Variants in CAMKMT observed in about 807,000 individuals in gnomAD.
CAMKMT encodes the protein calmodulin-lysine N-methyltransferase.
Under a neutral mutation model 48.0 loss-of-function variants are expected in CAMKMT, and 53 were observed. The observed-to-expected ratio is 1.10, with a 90% confidence interval of 0.89 to 1.39. The LOEUF (loss-of-function observed/expected upper bound fraction) is 1.39. Ranked by LOEUF, CAMKMT falls within the 40% of genes most tolerant of loss-of-function variation. The probability of loss-of-function intolerance (pLI) is 0.00; values close to 1 mark genes in which losing one functional copy is unlikely to be tolerated. For synonymous variants in CAMKMT, 165 were observed against 152.3 expected (o/e 1.08, Z -0.61); for missense variants, 428 against 402.7 (o/e 1.06, Z -0.54).
intron 3 of CAMKMT, among the ~76,000 whole-genome samples, chr2:44,691,922 A>G (rs554464366): frequency 6.6e-6 from 1 of 152,210 alleles, no homozygotes; most frequent in Non-Finnish European, 1.5e-5. Flanking sequence ...TCTCCTACTC[A>G]GATGTTCTTT....
intron 3 of CAMKMT, among the ~76,000 whole-genome samples, chr2:44,693,000 T>G (rs1285981422): frequency 6.6e-6 from 1 of 152,176 alleles, no homozygotes; most frequent in Non-Finnish European, 1.5e-5. Flanking sequence ...AAGTCATACT[T>G]GACACTTCCC....
intron 3 of CAMKMT, among the ~76,000 whole-genome samples, chr2:44,529,931 C>T (rs1231486227): frequency 2.6e-5 from 4 of 152,030 alleles, no homozygotes; most frequent in African/African-American, 7.2e-5. Context: ...AGTGCAGTGC[C>T]GCATATATAA....
intron 3 of CAMKMT, among the ~76,000 whole-genome samples, chr2:44,398,967 T>C (rs1241155654): frequency 2.0e-5 from 3 of 152,208 alleles, no homozygotes; most frequent in Non-Finnish European, 4.4e-5. Context: ...AGTCTGAATA[T>C]TTTCATTATT....
At chr2:44,639,769 CAGG>C (rs1203939819) in intron 3 of CAMKMT, among the ~76,000 whole-genome samples, 4 of 152,138 alleles carry the variant, frequency 2.6e-5, no homozygotes. Flanking sequence ...ACCTATTTTT[CAGG>C]GTGCCTTATT....
chr2:44,584,560 C>G (rs572523533), intron 3 of CAMKMT, among the ~76,000 whole-genome samples: 1 of 152,220 alleles, frequency 6.6e-6, no homozygotes, highest in South Asian at 2.1e-4. Context: ...TAATCTGATT[C>G]TGTGTATTGT....
chr2:44,412,824 C>T (rs1050096913), intron 3 of CAMKMT, among the ~76,000 whole-genome samples: 5 of 151,732 alleles, frequency 3.3e-5, no homozygotes, highest in African/African-American at 1.2e-4. Flanking sequence ...GCCTGTAATC[C>T]CAGCACTTTG....
chr2:44,629,597 C>T (rs1019024549), intron 3 of CAMKMT, among the ~76,000 whole-genome samples: 1 of 151,878 alleles, frequency 6.6e-6, no homozygotes, highest in African/African-American at 2.4e-5. Flanking sequence ...CACCACCATG[C>T]CTGGCTAATT....
At chr2:44,753,441 GA>G (rs372145641) in intron 8 of CAMKMT, among the ~76,000 whole-genome samples, 2 of 150,002 alleles carry the variant, frequency 1.3e-5, no homozygotes, top group African/African-American at 4.9e-5. Context: ...ACAAAGAAAA[GA>G]AAAAAAACAA....
At chr2:44,608,103 T>A (rs7581739) in intron 3 of CAMKMT, among the ~76,000 whole-genome samples, 1 of 141,832 alleles carries the variant, frequency 7.1e-6, no homozygotes. Flanking sequence ...GACGGAGTCT[T>A]GCTCCGTCGC....
chr2:44,408,247 A>G (rs369399415), intron 3 of CAMKMT, among the ~76,000 whole-genome samples: 2 of 152,014 alleles, frequency 1.3e-5, no homozygotes, highest in African/African-American at 4.8e-5. Flanking sequence ...GCTGGTCTCG[A>G]TCTACTAACC....
chr2:44,588,275 C>T (rs1247061803), intron 3 of CAMKMT, among the ~76,000 whole-genome samples: 5 of 55,440 alleles, frequency 9.0e-5, no homozygotes, highest in East Asian at 6.8e-4. Flanking sequence ...GGAGCGTCTC[C>T]GCCCGGCAGC....
At chr2:44,544,268 G>T (rs1253272572) in intron 3 of CAMKMT, among the ~76,000 whole-genome samples, 1 of 152,090 alleles carries the variant, frequency 6.6e-6, no homozygotes, top group Non-Finnish European at 1.5e-5. Flanking sequence ...AATGCCAAGG[G>T]TTATTTATTT....
At chr2:44,764,315 A>G (rs1172566373) in intron 9 of CAMKMT, among the ~76,000 whole-genome samples, 1 of 152,140 alleles carries the variant, frequency 6.6e-6, no homozygotes, top group African/African-American at 2.4e-5. Flanking sequence ...CGAAGGGGAG[A>G]GGGAGAGAGA....
chr2:44,372,345 C>T (rs908134432), intron 1 of CAMKMT, among the ~76,000 whole-genome samples: 5 of 151,704 alleles, frequency 3.3e-5, no homozygotes, highest in Non-Finnish European at 7.4e-5. Context: ...ATTAACCAGA[C>T]GTGGTGGTGC....
Position 44,390,238 on chromosome 2 carries a change from T to G in CAMKMT, c.312-3T>G, listed in dbSNP as rs1187623558. The G allele has an allele frequency of 3.7e-6, 6 of 1,602,588 alleles. No homozygotes were observed. The highest frequency in any genetic ancestry group is 5.1e-6 in the Non-Finnish European group (6 of 1,175,902). ...TTAAAGCAAACGCTTTACTCCTTTC[T>G]AGGCATAATAGTGGATCCTTGAATG... On this transcript the variant is annotated splice_region_variant and splice_polypyrimidine_tract_variant and intron_variant, in intron 2 of 10. Coordinates refer to ENST00000378494, the MANE Select transcript of CAMKMT (RefSeq NM_024766.5).
intron 3 of CAMKMT, among the ~76,000 whole-genome samples, chr2:44,501,576 CAT>C (rs1430814132): frequency 1.3e-5 from 2 of 152,148 alleles, no homozygotes; most frequent in Admixed American, 1.3e-4. Context: ...TGAAGTCTCT[CAT>C]GTATACCTGT....
chr2:44,619,471 A>AT (rs72060272), intron 3 of CAMKMT, among the ~76,000 whole-genome samples: 1 of 151,930 alleles, frequency 6.6e-6, no homozygotes, highest in Non-Finnish European at 1.5e-5. Flanking sequence ...GTGTATATAT[A>AT]TATATATATG....
chr2:44,400,928 G>GTATATATATA (rs1244824905), intron 3 of CAMKMT: 17 of 74,108 alleles, frequency 2.3e-4, no homozygotes, highest in South Asian at 4.9e-4. Context: ...ACTTATGTGT[G>GTATATATATA]TGTATATATA....
At chr2:44,735,294 C>G (rs1368590537) in intron 7 of CAMKMT, among the ~76,000 whole-genome samples, 1 of 152,174 alleles carries the variant, frequency 6.6e-6, no homozygotes, top group Admixed American at 6.5e-5. Context: ...CTGTTTTGTC[C>G]AGTCTGACAC....
Sources: gnomAD v4.1 joint callset for allele counts (sites outside exome capture counted in the v4.1 genomes callset) on GRCh38, gnomAD v4.1.1 for gene constraint, MANE v1.5 for transcripts, NCBI Gene and HGNC (gene_info 2026-07-23, HGNC 2026-07-21) for gene names.